OTOGL: variants seen among roughly 807,000 people sequenced by gnomAD.
The protein encoded by OTOGL is otogelin-like protein.
Under a neutral mutation model 318.5 loss-of-function variants are expected in OTOGL, and 285 were observed. That is an observed-to-expected ratio of 0.89 (90% CI 0.81 to 0.99). The LOEUF (loss-of-function observed/expected upper bound fraction) is 0.99. Ranked by LOEUF, OTOGL falls within the 50% of genes least tolerant of loss-of-function variation. OTOGL has a pLI of 0.00. For synonymous variants in OTOGL, 987 were observed against 936.5 expected, an observed-to-expected ratio of 1.05 and a Z score of -0.99; for missense variants, 2,899 against 2,845.6, an observed-to-expected ratio of 1.02 and a Z score of -0.43.
chr12:80,100,750 A>C (rs1869089746), intron 1 of OTOGL, among the ~76,000 whole-genome samples: 1 of 152,134 alleles, frequency 6.6e-6, no homozygotes, highest in East Asian at 1.9e-4. Context: ...GTTTATGCAA[A>C]GGAAGAATGA....
intron 1 of OTOGL, among the ~76,000 whole-genome samples, chr12:80,149,664 A>G (rs1477395640): frequency 2.0e-5 from 3 of 151,946 alleles, no homozygotes; most frequent in Non-Finnish European, 4.4e-5. Context: ...CCCCTCCCCC[A>G]GCCTCGCTGC....
chr12:80,225,229 T>A (rs1439490483), intron 7 of OTOGL, among the ~76,000 whole-genome samples: 1 of 152,126 alleles, frequency 6.6e-6, no homozygotes, highest in Admixed American at 6.6e-5. Flanking sequence ...TCTCTCATTG[T>A]CTACTACTCC....
chr12:80,134,991 T>C (rs888067410), intron 1 of OTOGL, among the ~76,000 whole-genome samples: 1 of 152,184 alleles, frequency 6.6e-6, no homozygotes, highest in Admixed American at 6.5e-5. Context: ...AGTTGACCTT[T>C]CTCTAGCTAA....
intron 1 of OTOGL, among the ~76,000 whole-genome samples, chr12:80,190,733 GCCGGGATAGCGCCA>G (rs1875624704): frequency 7.0e-6 from 1 of 143,400 alleles, no homozygotes; most frequent in Non-Finnish European, 1.5e-5. Flanking sequence ...CTTGCAGTGA[GCCGGGATAGCGCCA>G]CTGCAGTCCA....
intron 7 of OTOGL, among the ~76,000 whole-genome samples, chr12:80,225,197 T>A (rs1415017617): frequency 6.6e-6 from 1 of 152,138 alleles, no homozygotes; most frequent in Non-Finnish European, 1.5e-5. Context: ...TCTTCTGTGC[T>A]TGCAGGTCTC....
chr12:80,311,700 C>T (rs1886644944), intron 30 of OTOGL, among the ~76,000 whole-genome samples: 2 of 152,194 alleles, frequency 1.3e-5, no homozygotes, highest in African/African-American at 4.8e-5. Context: ...AACCACTGCG[C>T]CCGGCAGATA....
chr12:80,130,119 GT>G (rs1871146871), intron 1 of OTOGL, among the ~76,000 whole-genome samples: 1 of 151,802 alleles, frequency 6.6e-6, no homozygotes, highest in Non-Finnish European at 1.5e-5. Context: ...TTTGTATTCA[GT>G]TTTTTCCTCA....
At chr12:80,358,050 C>T (rs1401168142) in intron 49 of OTOGL, among the ~76,000 whole-genome samples, 198 bp from the exon 50 acceptor site, 2 of 152,136 alleles carry the variant, frequency 1.3e-5, no homozygotes, top group Non-Finnish European at 2.9e-5. Context: ...TTCTATATGT[C>T]ACTGTGCTTG....
chr12:80,145,377 G>A (rs1370336099), intron 1 of OTOGL, among the ~76,000 whole-genome samples: 1 of 152,028 alleles, frequency 6.6e-6, no homozygotes, highest in Admixed American at 6.6e-5. Flanking sequence ...TAGATATGCG[G>A]CGTTATTTCT....
At chr12:80,144,033 C>T (rs1489165746) in intron 1 of OTOGL, among the ~76,000 whole-genome samples, 13 of 150,346 alleles carry the variant, frequency 8.6e-5, no homozygotes, top group East Asian at 2.0e-4. Context: ...AATGCTCTGT[C>T]GTTTTGTGCT....
At position 80,307,977 on chromosome 12, in the gene OTOGL, G is replaced by C. The variant is rs867203308; in HGVS notation, c.3333+2282G>C. 5.7e-3 allele frequency among the ~76,000 whole-genome samples: 496 copies of C among 87,352 alleles called. 11 individuals carry two copies. Among genetic ancestry groups the C allele is most frequent in the Middle Eastern group, 0.031 (3 of 96 alleles). 57.3% of individuals were successfully genotyped at this position (87,352 alleles called of 152,430 possible). A position where few individuals can be genotyped will look rare whatever the true frequency, so the allele number is the denominator to read the frequency against. ...GCTGGCCGGGCAGAGGGGCTCCTCA[G>C]TTCCCAGTAGGGGCGGCCGGGCAGA... On this transcript the variant is annotated intron_variant, in intron 29 of 58. Coordinates refer to ENST00000547103, the MANE Select transcript of OTOGL (RefSeq NM_001378609.3).
intron 27 of OTOGL, among the ~76,000 whole-genome samples, chr12:80,299,653 C>T (rs1434677126): frequency 2.0e-5 from 3 of 149,060 alleles, no homozygotes; most frequent in Non-Finnish European, 4.4e-5. Flanking sequence ...TATGTAAATG[C>T]ACAATTCTAA....
Position 80,336,686 on chromosome 12 carries a change from G to A in OTOGL, c.4744-111G>A, listed in dbSNP as rs73137398. ...AGATCGGTCTTCTGATAATGTTTCA[G>A]AAACATTTCTGAAAACCTTTCTTAT... On this transcript the variant is annotated intron_variant, in intron 40 of 58. Coordinates refer to ENST00000547103, the MANE Select transcript of OTOGL (RefSeq NM_001378609.3). 120,629 of 1,412,176 alleles carry A rather than the reference G, an allele frequency of 0.085. 5,673 individuals are homozygous for A. The highest frequency in any genetic ancestry group is 0.18 in the East Asian group (7,629 of 42,396). The allele number at this position is 1,412,176 out of a possible 1,614,324, so 87.5% of individuals were successfully genotyped here.
intron 11 of OTOGL, among the ~76,000 whole-genome samples, chr12:80,242,890 G>A (rs901968485): frequency 1.3e-5 from 2 of 152,066 alleles, no homozygotes; most frequent in African/African-American, 4.8e-5. Context: ...GATAACATTT[G>A]ACTTGGAACT....
intron 1 of OTOGL, chr12:80,189,432 T>C (rs918930803): frequency 7.1e-6 from 7 of 985,284 alleles, no homozygotes; most frequent in Non-Finnish European, 8.4e-6. Flanking sequence ...GCTGGGAAGT[T>C]TGTCAAGTCT....
At chr12:80,129,342 G>T (rs1055427433) in intron 1 of OTOGL, among the ~76,000 whole-genome samples, 1 of 152,156 alleles carries the variant, frequency 6.6e-6, no homozygotes, top group African/African-American at 2.4e-5. Flanking sequence ...AATAAGACTT[G>T]TCAATACTTT....
chr12:80,251,697 G>A lies in OTOGL; in HGVS notation c.1057G>A (p.Asp353Asn). 6.3e-7 allele frequency: 1 copy of A among 1,582,840 alleles called. No individual in the cohort carries two copies. The highest frequency in any genetic ancestry group is 1.2e-5 in the South Asian group (1 of 86,250). ...ASCVNDLCKT[D>N]DDETYCRAAT... ...CTCTGTCTTTTCACTTTCTAGAACT[G>A]ATGATGATGAAACCTATTGCCGAGC... The change falls in exon 12 of 59, where the codon GAT (aspartate) becomes AAT (asparagine). Residue 353 changes from aspartate to asparagine, a missense_variant. Transcript: ENST00000547103.
chr12:80,300,705 T>C (rs1363198185), intron 27 of OTOGL, among the ~76,000 whole-genome samples: 1 of 152,102 alleles, frequency 6.6e-6, no homozygotes, highest in Non-Finnish European at 1.5e-5. Context: ...AGGGAAGGCC[T>C]CACAGAGGAG....
At chr12:80,117,324 AT>A (rs1300738919) in intron 1 of OTOGL, among the ~76,000 whole-genome samples, 15 of 152,144 alleles carry the variant, frequency 9.9e-5, no homozygotes, top group Admixed American at 9.8e-4. Context: ...TTTTTTATTA[AT>A]GTCATTAATT....
Sources: gnomAD v4.1 joint callset for allele counts (sites outside exome capture counted in the v4.1 genomes callset) on GRCh38, gnomAD v4.1.1 for gene constraint, MANE v1.5 for transcripts, NCBI Gene and HGNC (gene_info 2026-07-23, HGNC 2026-07-21) for gene names.